Variants in LILRB5 observed in about 807,000 individuals in gnomAD.
LILRB5 encodes leukocyte immunoglobulin-like receptor subfamily B member 5.
Under a neutral mutation model 68.4 loss-of-function variants are expected in LILRB5, and 61 were observed. The observed-to-expected ratio is 0.89, with a 90% CI of 0.73 to 1.10. The LOEUF (loss-of-function observed/expected upper bound fraction) is 1.10, where lower values mean the gene tolerates loss of function less well. LILRB5 is among the 50% of genes least tolerant of loss of function. The pLI is 0.00. For missense variants in LILRB5, 771 were observed against 751.6 expected, an observed-to-expected ratio of 1.03 and a Z score of -0.30; for synonymous variants, 356 against 315.8, an observed-to-expected ratio of 1.13 and a Z score of -1.35.
intron 12 of LILRB5, 76 bp from the exon 13 acceptor site, chr19:54,251,008 T>C (rs1290565898): frequency 6.3e-7 from 1 of 1,584,188 alleles, no homozygotes; most frequent in Non-Finnish European, 8.6e-7. Context: ...AGGAAAGGAC[T>C]CTCTCAGTGT....
chr19:54,254,494 C>T, intron 6 of LILRB5, 79 bp from the exon 7 acceptor site: 1 of 1,466,966 alleles, frequency 6.8e-7, no homozygotes, highest in Non-Finnish European at 9.2e-7. Flanking sequence ...CCCGTGGCTT[C>T]TCTGGAAACT....
intron 4 of LILRB5, 59 bp from the exon 5 acceptor site, chr19:54,255,641 TC>T: frequency 6.5e-7 from 1 of 1,540,032 alleles, no homozygotes; most frequent in Non-Finnish European, 8.8e-7. Flanking sequence ...CCCTTCCTTC[TC>T]CCGTCCTGGC....
rs200241141 is a variant in LILRB5 at position 54,252,417 on chromosome 19, C to T, written c.1539-14G>A. 33 of 1,614,072 alleles carry T rather than the reference C, an allele frequency of 2.0e-5. No homozygotes were observed. Among genetic ancestry groups the T allele is most frequent in the South Asian group, 7.7e-5 (7 of 91,072 alleles). On this transcript the variant is annotated splice_polypyrimidine_tract_variant and intron_variant, in intron 10 of 12. Coordinates refer to ENST00000449561, the MANE Select transcript of LILRB5 (RefSeq NM_001081442.3). The stretch of plus-strand genomic sequence containing the variant: ...ACTGGGCTGGCCCTGGGGGAGGACA[C>T]GGGAGTGTGAGGGGCAGTGAGGGGG...
chr19:54,254,652 C>T, intron 6 of LILRB5, 83 bp downstream of exon 6: 1 of 1,557,326 alleles, frequency 6.4e-7, no homozygotes, highest in Non-Finnish European at 8.8e-7. Flanking sequence ...CGCACCGCGA[C>T]TCCATCCCAG....
chr19:54,254,686 GC>G (rs1466847503), intron 6 of LILRB5, 48 bp downstream of exon 6: 1 of 1,603,320 alleles, frequency 6.2e-7, no homozygotes, highest in Admixed American at 1.7e-5. Flanking sequence ...TGGGGGCAGG[GC>G]CTGAGCTGAG....
rs888210039 is a variant in LILRB5 at position 54,255,751 on chromosome 19, T to C, written c.656-169A>G. ...CTGTCTTGGAGTAGTTCCAGACCGA[T>C]AGTGTCTCTCTGACTCCTGGCCACT... On this transcript the variant is annotated intron_variant, in intron 4 of 12. Coordinates refer to ENST00000449561, the MANE Select transcript of LILRB5 (RefSeq NM_001081442.3). 1.6e-5 allele frequency: 14 copies of C among 854,342 alleles called. No individual in the cohort carries two copies. In the African/African-American group the frequency reaches 2.1e-4, roughly 13 times the overall value. The allele number at this position is 854,342 out of a possible 1,614,324, so 52.9% of individuals were successfully genotyped here. A position where few individuals can be genotyped will look rare whatever the true frequency, so the allele number is the denominator to read the frequency against.
In LILRB5 at chr19:54,249,442, G is replaced by A. The variant is rs2078884214; in HGVS notation, c.*1344C>T. ...ATAATTAGAAGACATAGAAAAATCA[G>A]ATTTAATGAACACAATCAAAATACT... On this transcript the variant is annotated 3_prime_UTR_variant, in exon 13 of 13. Transcript: ENST00000449561. 6.6e-6 allele frequency: 1 copy of A among 152,078 alleles called. No homozygotes were observed. The highest frequency in any genetic ancestry group is 2.4e-5 in the African/African-American group (1 of 41,414). 9.4% of individuals were successfully genotyped at this position (152,078 alleles called of 1,614,324 possible).
rs1265589445 is a variant in LILRB5, at chr19:54,255,564, GA to G, written c.673del (p.Ser225ProfsTer3). On this transcript the variant is annotated frameshift_variant, in exon 5 of 13. Transcript: ENST00000449561. LOFTEE classifies it high-confidence loss of function. The part of the protein sequence containing the change: ...ILVPGVSRKP[S>X]LLIPQGSVVA... ...GACAGAGCCCTGCGGGATCAGGAGG[GA>G]GGGCTTCCTAGACACGCCTGGAGGG... 6.2e-7 allele frequency: 1 copy of G among 1,613,470 alleles called. No homozygotes were observed. Among genetic ancestry groups the G allele is most frequent in the South Asian group, 1.1e-5 (1 of 91,078 alleles).
At chr19:54,254,590 C>T in intron 6 of LILRB5, 145 bp downstream of exon 6, 2 of 1,254,190 alleles carry the variant, frequency 1.6e-6, no homozygotes, top group South Asian at 2.7e-5. Context: ...GTCCTCCTCC[C>T]CTCTGAGGGG....
At chr19:54,254,511 T>G in intron 6 of LILRB5, 96 bp from the exon 7 acceptor site, 1 of 1,412,690 alleles carries the variant, frequency 7.1e-7, no homozygotes, top group African/African-American at 1.4e-5. Context: ...AACTTTCTTC[T>G]GCTCACCTTT....
rs765220698 is a variant in LILRB5 at position 54,256,690 on chromosome 19, G to T, written c.154C>A (p.Pro52Thr). ...GKPVTLWCQG[P>T]LETEEYRLDK... Reference sequence around the variant, plus strand: ...AGACGGTACTCCTCAGTCTCCAGGGGCCCCTGACACCAGAGGGTCACGGGC... The same window carrying T: ...AGACGGTACTCCTCAGTCTCCAGGGTCCCCTGACACCAGAGGGTCACGGGC... The change falls in exon 3 of 13, where the codon CCC becomes ACC. Residue 52 changes from proline to threonine, a missense_variant. By Grantham distance (38) the Pro-to-Thr change is conservative (BLOSUM62 -1). Transcript: ENST00000449561. The T allele has an allele frequency of 6.2e-7, 1 of 1,614,170 alleles. No individual in the cohort carries two copies. Among genetic ancestry groups the T allele is most frequent in the Non-Finnish European group, 8.5e-7 (1 of 1,180,014 alleles).
rs774461065 is a variant in LILRB5 at position 54,254,319 on chromosome 19, G to T, written c.1306+46C>A. The T allele has an allele frequency of 9.1e-6, 14 of 1,544,614 alleles. No homozygotes were observed. In the Admixed American group the frequency reaches 2.2e-4, roughly 24 times the overall value. ...CCTCGGGGAGACTCAGGGCTGCCTG[G>T]GGGGAGACCACGCTCCCTCCGAGCC... On this transcript the variant is annotated intron_variant, in intron 7 of 12. Coordinates refer to ENST00000449561, the MANE Select transcript of LILRB5 (RefSeq NM_001081442.3).
At chr19:54,257,046 TC>T (rs1269148388) in intron 1 of LILRB5, 50 bp from the exon 2 acceptor site, 1 of 1,614,012 alleles carries the variant, frequency 6.2e-7, no homozygotes, top group Non-Finnish European at 8.5e-7. Flanking sequence ...CCCCAGCAGT[TC>T]CTCTCCTCCC....
chr19:54,255,644 C>G (rs1293158330), intron 4 of LILRB5, 62 bp from the exon 5 acceptor site: 2 of 1,494,180 alleles, frequency 1.3e-6, no homozygotes, highest in Non-Finnish European at 1.8e-6. Context: ...TTCCTTCTCC[C>G]GTCCTGGCGT....
At chr19:54,253,011 T>C in intron 8 of LILRB5, 24 bp from the exon 9 acceptor site, 1 of 1,487,736 alleles carries the variant, frequency 6.7e-7, no homozygotes, top group East Asian at 2.9e-5. Flanking sequence ...ACGTTGGGAA[T>C]GGGGATGACG....
chr19:54,252,289 T>C, intron 11 of LILRB5, 77 bp downstream of exon 11: 1 of 1,443,718 alleles, frequency 6.9e-7, no homozygotes, highest in Non-Finnish European at 9.7e-7. Flanking sequence ...CCCCAGCCTG[T>C]GCTCCTGCCC....
intron 8 of LILRB5, chr19:54,253,641 A>C: frequency 1.7e-6 from 1 of 571,788 alleles, no homozygotes; most frequent in Non-Finnish European, 3.1e-6. Flanking sequence ...GAGTCAGAGT[A>C]GAAAGTTGAC....
chr19:54,250,652 C>T lies in LILRB5; in HGVS notation c.*134G>A. ...AGAATCTAGTGAGTCCCAGAGTTCC[C>T]AGGATGTCCTGGTGGTCTTTGTTAG... On this transcript the variant is annotated 3_prime_UTR_variant, in exon 13 of 13. Transcript: ENST00000449561. 8.9e-7 allele frequency: 1 copy of T among 1,127,676 alleles called. No homozygotes were observed. 69.9% of individuals were successfully genotyped at this position (1,127,676 alleles called of 1,614,324 possible).
rs190991246 is a variant in LILRB5, at chr19:54,252,259, C to T, written c.1576+107G>A. ...CCCACAGTGTGGGTTCAGACCGCCT[C>T]CCCCTTGGCCCCAGACCCCCCCCAG... On this transcript the variant is annotated intron_variant, in intron 11 of 12. Transcript: ENST00000449561. 2,347 of 1,412,844 alleles carry T rather than the reference C, an allele frequency of 1.7e-3. 6 individuals carry two copies. Among genetic ancestry groups the T allele is most frequent in the Non-Finnish European group, 1.9e-3 (1,969 of 1,010,794 alleles). 87.5% of individuals were successfully genotyped at this position (1,412,844 alleles called of 1,614,324 possible). A position where few individuals can be genotyped will look rare whatever the true frequency, so the allele number is the denominator to read the frequency against.
Sources: gnomAD v4.1 joint callset for allele counts on GRCh38, gnomAD v4.1.1 for gene constraint, MANE v1.5 for transcripts, NCBI Gene and HGNC (gene_info 2026-07-23, HGNC 2026-07-21) for gene names.